The following HMCN1 variants were observed in gnomAD, a reference collection of about 807,000 sequenced individuals.
HMCN1 encodes the protein hemicentin 1.
In HMCN1, 321 loss-of-function variants were observed where a neutral mutation model predicts 625.9. The ratio of observed to expected loss-of-function variants is 0.51; its 90% CI spans 0.47 to 0.56. HMCN1 has a LOEUF of 0.56. Ranked by LOEUF, HMCN1 falls within the 20% of genes least tolerant of loss-of-function variation. The probability of loss-of-function intolerance (pLI) is 0.00; values close to 1 mark genes in which losing one functional copy is unlikely to be tolerated. For synonymous variants in HMCN1, 2,425 were observed against 2,417.6 expected (o/e 1.00, Z -0.09); for missense variants, 6,588 against 6,887.3 (o/e 0.96, Z 1.54).
chr1:186,061,759 A>C, intron 46 of HMCN1, 92 bp from the exon 47 acceptor site: 2 of 782,646 alleles, frequency 2.6e-6, no homozygotes, highest in South Asian at 1.6e-5. Context: ...CATACTGATT[A>C]AATTTTTACC....
At chr1:185,972,572 C>T (rs1313242077) in intron 15 of HMCN1, among the ~76,000 whole-genome samples, 1 of 152,144 alleles carries the variant, frequency 6.6e-6, no homozygotes, top group African/African-American at 2.4e-5. Context: ...CCTGACAGAA[C>T]CATCAACATA....
Position 186,086,374 on chromosome 1 carries a change from A to G in HMCN1, c.9013A>G (p.Ile3005Val). The G allele has an allele frequency of 6.2e-7, 1 of 1,613,326 alleles. No individual in the cohort carries two copies. Among genetic ancestry groups the G allele is most frequent in the South Asian group, 1.1e-5 (1 of 91,074 alleles). ...DLSWLKNEQP[I>V]KLNTNTLIVP... ...CAGCTGGCTCAAGAATGAACAGCCC[A>G]TCAAACTGAACACAAATACTCTCAT... is the stretch of plus-strand genomic sequence containing the variant. The change falls in exon 58 of 107, where the codon ATC (isoleucine) becomes GTC (valine). Residue 3005 changes from isoleucine (I) to valine (V), a missense_variant. Ile to Val is a conservative substitution (Grantham distance 29, BLOSUM62 3). Coordinates refer to ENST00000271588, the MANE Select transcript of HMCN1 (RefSeq NM_031935.3).
chr1:185,979,352 G>A (rs1651457814), intron 16 of HMCN1, among the ~76,000 whole-genome samples: 2 of 152,120 alleles, frequency 1.3e-5, no homozygotes, highest in Admixed American at 6.6e-5. Flanking sequence ...GAGAGAAAGG[G>A]AACATTGAAA....
rs1367551741 is a variant in HMCN1 at position 186,165,110 on chromosome 1, G to A, written c.15257-1G>A. 6.2e-7 allele frequency: 1 copy of A among 1,613,974 alleles called. No individual in the cohort carries two copies. Among genetic ancestry groups the A allele is most frequent in the Admixed American group, 1.7e-5 (1 of 60,026 alleles). On this transcript the variant is annotated splice_acceptor_variant, in intron 97 of 106. Coordinates refer to ENST00000271588, the MANE Select transcript of HMCN1 (RefSeq NM_031935.3). LOFTEE classifies it high-confidence loss of function. ...TAACTTTGCTTTCCTCTCTGTGGTA[G>A]GAGATCGCAGTAATCAGTGCCCCTC...
intron 93 of HMCN1, among the ~76,000 whole-genome samples, chr1:186,146,214 G>A (rs1452760594): frequency 6.6e-6 from 1 of 152,148 alleles, no homozygotes; most frequent in Non-Finnish European, 1.5e-5. Flanking sequence ...CTGAAGGTAA[G>A]GTGGGGCAGT....
chr1:186,041,172 A>G (rs550175957), intron 40 of HMCN1, 36 bp downstream of exon 40: 2 of 1,590,480 alleles, frequency 1.3e-6, no homozygotes, highest in East Asian at 2.2e-5. Context: ...CTTCTGGTAG[A>G]GATATGTTTG....
chr1:185,853,354 A>G (rs1018987752), intron 2 of HMCN1, among the ~76,000 whole-genome samples: 7 of 152,160 alleles, frequency 4.6e-5, no homozygotes, highest in Non-Finnish European at 8.8e-5. Flanking sequence ...TGATAAGCTT[A>G]TTTAAACTCA....
intron 83 of HMCN1, among the ~76,000 whole-genome samples, chr1:186,128,581 C>T (rs113512049): frequency 1.8e-3 from 277 of 152,024 alleles, no homozygotes; most frequent in African/African-American, 6.4e-3. Context: ...TTTATATAGG[C>T]GCCTAAACTT....
intron 105 of HMCN1, among the ~76,000 whole-genome samples, chr1:186,184,345 A>AT (rs1653143374): frequency 6.6e-6 from 1 of 152,178 alleles, no homozygotes; most frequent in Non-Finnish European, 1.5e-5. Flanking sequence ...TTTGCATATG[A>AT]TTTTTTGAAA....
At chr1:185,983,763 T>C (rs1651819717) in intron 18 of HMCN1, among the ~76,000 whole-genome samples, 1 of 152,240 alleles carries the variant, frequency 6.6e-6, no homozygotes, top group Non-Finnish European at 1.5e-5. Context: ...TAAGTGCCTA[T>C]GTGCCAAAAT....
Position 186,123,153 on chromosome 1 carries a change from C to A in HMCN1, c.12432C>A (p.Gly4144=), listed in dbSNP as rs1232000906. Residue 4144 remains glycine (G), a synonymous_variant, in exon 81 of 107, where the codon GGC becomes GGA. Transcript: ENST00000271588. ...CATTTGTCCAGCCTGGTGATGCTGG[C>A]CATTACACGTGCATGGCAGCCAATG... ...QIAFVQPGDA[G]HYTCMAANVA... 6.2e-7 allele frequency: 1 copy of A among 1,613,976 alleles called. No individual in the cohort carries two copies. The highest frequency in any genetic ancestry group is 2.2e-5 in the East Asian group (1 of 44,862).
intron 1 of HMCN1, among the ~76,000 whole-genome samples, chr1:185,789,520 A>G (rs1218388938): frequency 1.3e-5 from 2 of 152,264 alleles, no homozygotes; most frequent in African/African-American, 4.8e-5. Context: ...GTGACTTTGT[A>G]TGTCAGAAAT....
At chr1:186,083,795 A>G (rs935963823) in intron 57 of HMCN1, among the ~76,000 whole-genome samples, 1 of 152,080 alleles carries the variant, frequency 6.6e-6, no homozygotes, top group African/African-American at 2.4e-5. Flanking sequence ...TGTTTGTGTA[A>G]TAGATATTTA....
At chr1:186,003,941 A>G (rs1653370566) in intron 29 of HMCN1, 97 bp downstream of exon 29, 3 of 1,129,758 alleles carry the variant, frequency 2.7e-6, no homozygotes, top group South Asian at 1.3e-5. Flanking sequence ...ATTTTATTAC[A>G]TAGAATATTA....
chr1:186,128,349 A>C, intron 83 of HMCN1, 58 bp downstream of exon 83: 2 of 1,360,560 alleles, frequency 1.5e-6, no homozygotes, highest in Non-Finnish European at 2.1e-6. Flanking sequence ...CTCTAGACGA[A>C]GCTCTGTTTC....
chr1:185,942,862 ATTCAGGTTCAATAAT>A (rs1480776829), intron 11 of HMCN1, among the ~76,000 whole-genome samples: 1 of 152,178 alleles, frequency 6.6e-6, no homozygotes, highest in East Asian at 1.9e-4. Flanking sequence ...ATAACCACTT[ATTCAGGTTCAATAAT>A]TTGCTAGAAT....
At chr1:185,757,659 G>A (rs1571310902) in intron 1 of HMCN1, among the ~76,000 whole-genome samples, 1 of 151,914 alleles carries the variant, frequency 6.6e-6, no homozygotes, top group African/African-American at 2.4e-5. Flanking sequence ...CTTATTTATT[G>A]TTTTCTTCCC....
chr1:185,943,285 T>C (rs1668174018), intron 11 of HMCN1, among the ~76,000 whole-genome samples: 2 of 152,214 alleles, frequency 1.3e-5, no homozygotes, highest in Admixed American at 1.3e-4. Context: ...CTATGACTTA[T>C]GATTGGTATC....
chr1:186,108,673 TG>T, intron 71 of HMCN1, 76 bp downstream of exon 71: 1 of 1,551,092 alleles, frequency 6.4e-7, no homozygotes, highest in South Asian at 1.1e-5. Context: ...GGGCCTTTGC[TG>T]GGTACACAAA....
Sources: allele counts gnomAD v4.1 joint callset (sites outside exome capture counted in the v4.1 genomes callset), GRCh38; gene constraint gnomAD v4.1.1; transcripts MANE v1.5; gene names NCBI Gene and HGNC (gene_info 2026-07-23, HGNC 2026-07-21).